TINAG: variants seen among roughly 807,000 people sequenced by gnomAD.
TINAG encodes tubulointerstitial nephritis antigen.
TINAG carries 83 observed loss-of-function variants against 72.7 expected under a neutral mutation model. The observed-to-expected ratio is 1.14, with a 90% CI of 0.96 to 1.37. TINAG has a LOEUF of 1.37. Among genes scored for constraint, TINAG ranks in the 40% most tolerant of loss-of-function variants. The pLI, the probability that TINAG is intolerant of heterozygous loss-of-function variation, is 0.00. For synonymous variants in TINAG, 234 were observed against 189.9 expected, an observed-to-expected ratio of 1.23 and a Z score of -1.91; for missense variants, 685 against 576.6, an observed-to-expected ratio of 1.19 and a Z score of -1.93.
chr6:54,369,430 G>C (rs112610418), intron 9 of TINAG, among the ~76,000 whole-genome samples: 72 of 151,912 alleles, frequency 4.7e-4, no homozygotes, highest in African/African-American at 1.7e-3. Context: ...GAATGCAAGA[G>C]CACACATATA....
chr6:54,383,313 A>C (rs1474967074), intron 10 of TINAG, among the ~76,000 whole-genome samples: 1 of 152,166 alleles, frequency 6.6e-6, no homozygotes, highest in Non-Finnish European at 1.5e-5. Flanking sequence ...TTATTTCTGC[A>C]CAATTATATA....
At chr6:54,346,501 A>C (rs1398254921) in intron 5 of TINAG, among the ~76,000 whole-genome samples, 1 of 151,538 alleles carries the variant, frequency 6.6e-6, no homozygotes, top group Non-Finnish European at 1.5e-5. Context: ...ATCACATATA[A>C]TCAGTTACAT....
intron 1 of TINAG, among the ~76,000 whole-genome samples, 156 bp from the exon 2 acceptor site, chr6:54,320,423 C>T (rs1476325783): frequency 1.3e-5 from 2 of 152,126 alleles, no homozygotes; most frequent in African/African-American, 4.8e-5. Flanking sequence ...ATATACACAC[C>T]TTGACACAAA....
chr6:54,372,621 T>C (rs1741201586), intron 9 of TINAG, among the ~76,000 whole-genome samples: 1 of 151,712 alleles, frequency 6.6e-6, no homozygotes, highest in South Asian at 2.1e-4. Context: ...GAGCACTTGC[T>C]GGGTTATTAC....
chr6:54,323,313 A>G (rs915638351), intron 3 of TINAG, among the ~76,000 whole-genome samples: 2 of 152,188 alleles, frequency 1.3e-5, no homozygotes, highest in African/African-American at 4.8e-5. Flanking sequence ...ATAAAACTAA[A>G]ATTATTTACC....
At chr6:54,350,007 A>G in intron 7 of TINAG, 111 bp downstream of exon 7, 1 of 671,262 alleles carries the variant, frequency 1.5e-6, no homozygotes, top group Non-Finnish European at 2.1e-6. Flanking sequence ...TCTAAAATAA[A>G]TATTATATTT....
At position 54,310,727 on chromosome 6, in the gene TINAG, TTC is replaced by T. The variant is rs1238062098; in HGVS notation, c.355+1828_355+1829del. ...CTCTCTTTCTCTCCCTCTTTCTTTT[TTC>T]TCTCTTTCTCTCCCTCTTCTCTTTC... is the stretch of plus-strand genomic sequence containing the variant. On this transcript the variant is annotated intron_variant, in intron 1 of 10. Coordinates refer to ENST00000259782, the MANE Select transcript of TINAG (RefSeq NM_014464.4). 1.3e-3 allele frequency among the ~76,000 whole-genome samples: 185 copies of T among 145,886 alleles called. 1 individual carries two copies. Among genetic ancestry groups the T allele is most frequent in the Non-Finnish European group, 2.2e-3 (143 of 66,466 alleles).
chr6:54,338,813 A>T (rs974466691), intron 4 of TINAG, among the ~76,000 whole-genome samples: 4 of 151,796 alleles, frequency 2.6e-5, no homozygotes, highest in African/African-American at 9.7e-5. Flanking sequence ...TTTGCACTGG[A>T]CCAAATCCTG....
intron 1 of TINAG, among the ~76,000 whole-genome samples, chr6:54,316,645 A>G (rs1303762741): frequency 6.6e-6 from 1 of 152,196 alleles, no homozygotes; most frequent in Non-Finnish European, 1.5e-5. Flanking sequence ...AAAATAAATT[A>G]TAGACAACAT....
chr6:54,388,492 C>A (rs1215090211), intron 10 of TINAG, among the ~76,000 whole-genome samples: 1 of 152,156 alleles, frequency 6.6e-6, no homozygotes, highest in Non-Finnish European at 1.5e-5. Flanking sequence ...CTGCCCCTCT[C>A]TTACATTGTA....
chr6:54,310,457 CTCTCCCTCCTT>C (rs1217533040), intron 1 of TINAG, among the ~76,000 whole-genome samples: 6 of 149,776 alleles, frequency 4.0e-5, no homozygotes, highest in African/African-American at 1.5e-4. Flanking sequence ...TTCTGTCTCT[CTCTCCCTCCTT>C]TCTCCCTCCC....
intron 1 of TINAG, among the ~76,000 whole-genome samples, chr6:54,313,307 T>C (rs1157054557): frequency 1.3e-5 from 2 of 152,164 alleles, no homozygotes; most frequent in Non-Finnish European, 2.9e-5. Context: ...AGGGATCGTA[T>C]TCCTGTTATT....
intron 9 of TINAG, among the ~76,000 whole-genome samples, chr6:54,367,545 A>AGCATGT (rs1763471319): frequency 6.6e-6 from 1 of 151,784 alleles, no homozygotes; most frequent in South Asian, 2.1e-4. Context: ...ACCCTACCTG[A>AGCATGT]GCATGTGCAG....
In TINAG at chr6:54,321,214, C is replaced by T. The variant is rs1784482379; in HGVS notation, c.420-83C>T. On this transcript the variant is annotated intron_variant, in intron 2 of 10. Coordinates refer to ENST00000259782, the MANE Select transcript of TINAG (RefSeq NM_014464.4). ...TTAATCAAGAAATTATGTTTTATGC[C>T]TTAACAATGTATAACTCTTTTTACT... is the stretch of plus-strand genomic sequence containing the variant. The T allele has an allele frequency of 5.8e-6, 6 of 1,039,198 alleles. No individual in the cohort carries two copies. The Admixed American group carries it at 9.1e-5, about 16-fold the overall frequency. 64.4% of individuals were successfully genotyped at this position (1,039,198 alleles called of 1,614,324 possible). A position where few individuals can be genotyped will look rare whatever the true frequency, so the allele number is the denominator to read the frequency against.
intron 3 of TINAG, among the ~76,000 whole-genome samples, chr6:54,325,097 C>T (rs1784573763): frequency 1.3e-5 from 2 of 152,322 alleles, no homozygotes; most frequent in East Asian, 1.9e-4. Context: ...CAAATGCTCT[C>T]TTCTTTCATG....
chr6:54,335,810 C>T (rs1171706741), intron 4 of TINAG, among the ~76,000 whole-genome samples: 2 of 152,094 alleles, frequency 1.3e-5, no homozygotes, highest in Middle Eastern at 3.2e-3. Flanking sequence ...CACTTTTCCC[C>T]AACTTTTAAA....
At chr6:54,344,687 TA>T (rs1380295243) in intron 5 of TINAG, among the ~76,000 whole-genome samples, 1 of 152,126 alleles carries the variant, frequency 6.6e-6, no homozygotes, top group Non-Finnish European at 1.5e-5. Flanking sequence ...GTGGAGGATA[TA>T]TTTTGGTGTT....
intron 9 of TINAG, among the ~76,000 whole-genome samples, chr6:54,379,781 C>A (rs554703449): frequency 2.0e-5 from 3 of 150,084 alleles, no homozygotes; most frequent in East Asian, 2.0e-4. Flanking sequence ...TTTTATTTTT[C>A]TTTTTTTTTA....
intron 8 of TINAG, 110 bp downstream of exon 8, chr6:54,351,507 G>C (rs1360335694): frequency 1.1e-5 from 11 of 1,014,386 alleles, no homozygotes; most frequent in Non-Finnish European, 1.6e-5. Context: ...TTTACTTTAA[G>C]AGTATCCAAA....
Sources: gnomAD v4.1 joint callset for allele counts (sites outside exome capture counted in the v4.1 genomes callset) on GRCh38, gnomAD v4.1.1 for gene constraint, MANE v1.5 for transcripts, NCBI Gene and HGNC (gene_info 2026-07-23, HGNC 2026-07-21) for gene names.